The following CNTNAP2 variants were observed in gnomAD, a reference collection of about 807,000 sequenced individuals.
The protein encoded by CNTNAP2 is contactin-associated protein-like 2.
Under a neutral mutation model 155.2 loss-of-function variants are expected in CNTNAP2, and 98 were observed. The observed-to-expected ratio is 0.63, with a 90% CI of 0.54 to 0.75. The LOEUF is 0.75. Among genes scored for constraint, CNTNAP2 ranks in the 30% least tolerant of loss-of-function variants. CNTNAP2 has a pLI of 0.00. For missense variants in CNTNAP2, 1,727 were observed against 1,688.1 expected (o/e 1.02, Z -0.40); for synonymous variants, 651 against 631.2 (o/e 1.03, Z -0.47).
intron 10 of CNTNAP2, among the ~76,000 whole-genome samples, chr7:147,478,548 G>A (rs1798363643): frequency 6.6e-6 from 1 of 152,116 alleles, no homozygotes; most frequent in African/African-American, 2.4e-5. Context: ...GGTGGCCCGG[G>A]GCTAGTATGC....
chr7:148,122,867 A>AAAAAAAAAAAAAAAAAAAAG (rs543029148), intron 16 of CNTNAP2, among the ~76,000 whole-genome samples: 15 of 150,718 alleles, frequency 1.0e-4, no homozygotes, highest in African/African-American at 3.7e-4. Flanking sequence ...AAAAAAAAAG[A>AAAAAAAAAAAAAAAAAAAAG]AAAAAAAAGA....
intron 9 of CNTNAP2, among the ~76,000 whole-genome samples, chr7:147,366,296 T>C (rs1367279533): frequency 6.6e-6 from 1 of 152,160 alleles, no homozygotes; most frequent in East Asian, 1.9e-4. Context: ...CATTTTTTTC[T>C]TTATCTGTCT....
chr7:147,988,028 A>T (rs1019354395), intron 15 of CNTNAP2, among the ~76,000 whole-genome samples: 2 of 152,192 alleles, frequency 1.3e-5, no homozygotes, highest in African/African-American at 4.8e-5. Context: ...ATGAGACATC[A>T]ATCAAATACA....
chr7:146,856,293 GATAGATACATACATACATACATACATAC>G (rs1794985014), intron 3 of CNTNAP2, among the ~76,000 whole-genome samples: 1 of 63,056 alleles, frequency 1.6e-5, no homozygotes, highest in South Asian at 4.0e-4. Flanking sequence ...TAGATAGATA[GATAGATACATACATACATACATACATAC>G]ATACATACAT....
chr7:148,321,370 AC>A (rs926265687), intron 21 of CNTNAP2, among the ~76,000 whole-genome samples: 1 of 152,202 alleles, frequency 6.6e-6, no homozygotes, highest in African/African-American at 2.4e-5. Flanking sequence ...CAGTGGTTAT[AC>A]TGTTGCCATC....
At position 148,018,734 on chromosome 7, in the gene CNTNAP2, G is replaced by A. The variant is rs534372487; in HGVS notation, c.2383+40745G>A. Among the ~76,000 whole-genome samples the A allele has an allele frequency of 1.8e-3, 273 of 152,312 alleles. 1 individual carries two copies. The highest frequency in any genetic ancestry group is 2.8e-3 in the Non-Finnish European group (189 of 68,032). ...GCTTCCAGCCCAGACCTTTGTCGTG[G>A]GAAGGAGTCCCATGCTCTCATTTTT... is the stretch of plus-strand genomic sequence containing the variant. On this transcript the variant is annotated intron_variant, in intron 15 of 23. Transcript: ENST00000361727.
At chr7:147,466,339 A>C (rs1156759424) in intron 10 of CNTNAP2, among the ~76,000 whole-genome samples, 1 of 152,148 alleles carries the variant, frequency 6.6e-6, no homozygotes, top group Non-Finnish European at 1.5e-5. Flanking sequence ...ACAATATATC[A>C]ATTGTATATT....
intron 21 of CNTNAP2, among the ~76,000 whole-genome samples, chr7:148,331,044 T>G (rs964322660): frequency 1.3e-5 from 2 of 148,456 alleles, no homozygotes; most frequent in African/African-American, 5.0e-5. Flanking sequence ...ATGGATGGAA[T>G]GGACGGATGG....
chr7:147,627,435 C>T (rs193105633), intron 12 of CNTNAP2, among the ~76,000 whole-genome samples: 16 of 152,154 alleles, frequency 1.1e-4, no homozygotes, highest in East Asian at 5.8e-4. Context: ...TGGTGGCTCA[C>T]GCCTGAAATC....
intron 3 of CNTNAP2, among the ~76,000 whole-genome samples, chr7:146,877,209 CAT>C (rs1032563552): frequency 9.2e-5 from 14 of 152,082 alleles, no homozygotes; most frequent in African/African-American, 3.1e-4. Context: ...CCATTAAAAA[CAT>C]AGGAAAGGGG....
intron 15 of CNTNAP2, among the ~76,000 whole-genome samples, chr7:147,978,382 G>A (rs1477821280): frequency 6.6e-6 from 1 of 152,106 alleles, no homozygotes; most frequent in African/African-American, 2.4e-5. Context: ...ATAAATAGTA[G>A]CATTATGGCT....
intron 4 of CNTNAP2, chr7:147,082,761 C>G (rs1800162578): frequency 6.6e-6 from 1 of 152,104 alleles, no homozygotes; most frequent in Admixed American, 6.6e-5. Flanking sequence ...CAAGGAAATT[C>G]AGTTTCCTAT....
chr7:147,348,889 A>G (rs879843575), intron 9 of CNTNAP2, among the ~76,000 whole-genome samples: 1 of 152,020 alleles, frequency 6.6e-6, no homozygotes, highest in Admixed American at 6.6e-5. Flanking sequence ...CAGGAATAGA[A>G]AGTTCACCAC....
chr7:147,646,967 G>A (rs114846715), intron 13 of CNTNAP2, among the ~76,000 whole-genome samples: 2,079 of 151,428 alleles, frequency 0.014, 51 homozygotes, highest in African/African-American at 0.046. Context: ...TTTGTGGATG[G>A]AATGTTATTA....
chr7:147,781,278 A>G (rs1797658039), intron 13 of CNTNAP2, among the ~76,000 whole-genome samples: 1 of 152,182 alleles, frequency 6.6e-6, no homozygotes. Flanking sequence ...AGACTGTTGT[A>G]GAAAGGTAGC....
At position 148,419,131 on chromosome 7, in the gene CNTNAP2, T is replaced by C. The variant is rs1349088376; in HGVS notation, c.*3515T>C. On this transcript the variant is annotated 3_prime_UTR_variant, in exon 24 of 24. Coordinates refer to ENST00000361727, the MANE Select transcript of CNTNAP2 (RefSeq NM_014141.6). ...TTCTCTCTTCCTCTCCTCACCACAT[T>C]ATACCCTGCTCTTACGCAGTAAACG... 2 of 152,190 alleles carry C rather than the reference T, an allele frequency of 1.3e-5. No homozygotes were observed. Among genetic ancestry groups the C allele is most frequent in the African/African-American group, 4.8e-5 (2 of 41,426 alleles). The allele number at this position is 152,190 out of a possible 1,614,324, so 9.4% of individuals were successfully genotyped here.
At chr7:146,598,945 C>G (rs951008750) in intron 1 of CNTNAP2, among the ~76,000 whole-genome samples, 10 of 152,200 alleles carry the variant, frequency 6.6e-5, no homozygotes, top group African/African-American at 2.2e-4. Flanking sequence ...CCTTCCAATT[C>G]CCCAAAAGCC....
intron 1 of CNTNAP2, among the ~76,000 whole-genome samples, chr7:146,447,415 G>A (rs993295153): frequency 1.3e-5 from 2 of 151,862 alleles, no homozygotes; most frequent in Non-Finnish European, 2.9e-5. Flanking sequence ...CCCTTCTAAA[G>A]GCTATAATAT....
At chr7:146,118,750 A>G (rs1797522006) in intron 1 of CNTNAP2, among the ~76,000 whole-genome samples, 1 of 152,174 alleles carries the variant, frequency 6.6e-6, no homozygotes, top group African/African-American at 2.4e-5. Context: ...TTTCAACTTT[A>G]TAGTTAGAAT....
Sources: allele counts gnomAD v4.1 joint callset (sites outside exome capture counted in the v4.1 genomes callset), GRCh38; gene constraint gnomAD v4.1.1; transcripts MANE v1.5; gene names NCBI Gene and HGNC (gene_info 2026-07-23, HGNC 2026-07-21).